ULK4: variants seen among roughly 807,000 people sequenced by gnomAD.
ULK4 encodes unc-51 like kinase 4, also known as inactive serine/threonine-protein kinase ULK4.
A neutral mutation model predicts 160.6 loss-of-function variants in ULK4; 133 were observed. The ratio of observed to expected loss-of-function variants is 0.83; its 90% CI spans 0.72 to 0.96. ULK4 has a LOEUF of 0.96. ULK4 is among the 40% of genes least tolerant of loss of function. The pLI is 0.00. For missense variants in ULK4, 1,580 were observed against 1,499.5 expected, an observed-to-expected ratio of 1.05 and a Z score of -0.89; for synonymous variants, 534 against 539.8, an observed-to-expected ratio of 0.99 and a Z score of 0.15.
intron 27 of ULK4, among the ~76,000 whole-genome samples, chr3:41,697,906 C>T (rs928982365): frequency 6.6e-6 from 1 of 152,216 alleles, no homozygotes; most frequent in Non-Finnish European, 1.5e-5. Context: ...TACTGACTCA[C>T]TCAAAGCAAC....
At chr3:41,631,898 G>A (rs923728508) in intron 30 of ULK4, among the ~76,000 whole-genome samples, 1 of 152,176 alleles carries the variant, frequency 6.6e-6, no homozygotes, top group African/African-American at 2.4e-5. Context: ...ATCATGGTCT[G>A]TAATGCTCCT....
intron 12 of ULK4, among the ~76,000 whole-genome samples, chr3:41,901,949 T>C (rs1245814340): frequency 6.6e-6 from 1 of 152,142 alleles, no homozygotes; most frequent in Non-Finnish European, 1.5e-5. Flanking sequence ...AGTTGATACA[T>C]AATGAAATGA....
At position 41,287,048 on chromosome 3, in the gene ULK4, C is replaced by T. The variant is rs140224638; in HGVS notation, c.3679-37474G>A. ...ACCCACCGATTTGACAGAGAGGTGA[C>T]GCAGAAGGCTGTGAAAGATGCCTGT... is the stretch of plus-strand genomic sequence containing the variant. On this transcript the variant is annotated intron_variant, in intron 35 of 36. Coordinates refer to ENST00000301831, the MANE Select transcript of ULK4 (RefSeq NM_017886.4). Among the ~76,000 whole-genome samples, 253 of 152,246 alleles carry T rather than the reference C, an allele frequency of 1.7e-3. 1 individual carries two copies. The highest frequency in any genetic ancestry group is 2.7e-3 in the Non-Finnish European group (185 of 68,026).
Position 41,249,532 on chromosome 3 carries a change from C to T in ULK4, c.3721G>A (p.Gly1241Ser), listed in dbSNP as rs1487311536. The change falls in exon 36 of 37, where the codon GGC becomes AGC. Residue 1241 changes from glycine (G) to serine (S), a missense_variant. Transcript: ENST00000301831. ...EKHLESLKNAGSLLRALERLA... is the reference protein window; with the variant it reads ...EKHLESLKNASSLLRALERLA... The stretch of plus-strand genomic sequence containing the variant: ...CGCTCCAGAGCCCGCAGGAGGCTGC[C>T]TGCATTCTTGAGGCTCTCCAAGTGC... 2.6e-5 allele frequency: 42 copies of T among 1,613,998 alleles called. No individual in the cohort carries two copies. The highest frequency in any genetic ancestry group is 3.5e-5 in the Non-Finnish European group (41 of 1,180,006).
chr3:41,255,853 A>T (rs749696454), intron 35 of ULK4, among the ~76,000 whole-genome samples: 31 of 152,234 alleles, frequency 2.0e-4, no homozygotes, highest in Non-Finnish European at 4.0e-4. Flanking sequence ...CTATACAACA[A>T]GAGTAACAGA....
At chr3:41,373,079 G>C (rs919338446) in intron 35 of ULK4, among the ~76,000 whole-genome samples, 1 of 152,142 alleles carries the variant, frequency 6.6e-6, no homozygotes, top group South Asian at 2.1e-4. Context: ...AATGCAACAA[G>C]AAGAGCTAAC....
chr3:41,903,264 T>G (rs1698435734), intron 12 of ULK4, among the ~76,000 whole-genome samples: 1 of 152,056 alleles, frequency 6.6e-6, no homozygotes, highest in Admixed American at 6.6e-5. Context: ...AAGCCAAAAT[T>G]AATCAATGGG....
intron 35 of ULK4, among the ~76,000 whole-genome samples, chr3:41,267,967 G>T (rs2079072513): frequency 6.6e-6 from 1 of 152,186 alleles, no homozygotes; most frequent in South Asian, 2.1e-4. Context: ...TTGATTCAGT[G>T]GCTTCATGGC....
At chr3:41,730,905 C>A (rs1230326358) in intron 22 of ULK4, among the ~76,000 whole-genome samples, 2 of 152,004 alleles carry the variant, frequency 1.3e-5, no homozygotes, top group Admixed American at 1.3e-4. Context: ...TGTGATCCAT[C>A]ACATTAAGAA....
rs1163678236 is a variant in ULK4 at position 41,470,572 on chromosome 3, A to C, written c.3227-7319T>G. ...TACAAAGCCATATTCAGGATACCTT[A>C]GAACTCTAATTGCGGCATGTAAAGT... On this transcript the variant is annotated intron_variant, in intron 32 of 36. Coordinates refer to ENST00000301831, the MANE Select transcript of ULK4 (RefSeq NM_017886.4). 2.0e-5 allele frequency among the ~76,000 whole-genome samples: 3 copies of C among 152,198 alleles called. No homozygotes were observed. In the East Asian group the frequency reaches 5.8e-4, roughly 29 times the overall value.
intron 32 of ULK4, among the ~76,000 whole-genome samples, chr3:41,558,947 A>G (rs2087428617): frequency 7.2e-6 from 1 of 139,564 alleles, no homozygotes; most frequent in Non-Finnish European, 1.6e-5. Flanking sequence ...ACATATGTAT[A>G]CATGTGCCAT....
chr3:41,421,862 C>T (rs1167246236), intron 34 of ULK4, among the ~76,000 whole-genome samples: 1 of 152,142 alleles, frequency 6.6e-6, no homozygotes, highest in Non-Finnish European at 1.5e-5. Context: ...TTTGAATGCA[C>T]ACGTAAAACC....
intron 31 of ULK4, among the ~76,000 whole-genome samples, chr3:41,577,198 A>G (rs930862610): frequency 1.3e-5 from 2 of 152,208 alleles, no homozygotes; most frequent in Admixed American, 1.3e-4. Context: ...GTAGAGCAGA[A>G]AAAAAACCGG....
At chr3:41,872,685 AG>A (rs774743772) in intron 17 of ULK4, among the ~76,000 whole-genome samples, 6 of 152,028 alleles carry the variant, frequency 3.9e-5, no homozygotes, top group Non-Finnish European at 7.4e-5. Flanking sequence ...AGCCCAATAC[AG>A]CTCCTCGACA....
chr3:41,362,904 G>A (rs1224326783), intron 35 of ULK4, among the ~76,000 whole-genome samples: 12 of 152,266 alleles, frequency 7.9e-5, no homozygotes. Context: ...GGCACCAAGA[G>A]AGCAGAGCCC....
chr3:41,568,007 A>G (rs1455605701), intron 31 of ULK4, among the ~76,000 whole-genome samples: 1 of 152,182 alleles, frequency 6.6e-6, no homozygotes, highest in Non-Finnish European at 1.5e-5. Context: ...AGACTATTCA[A>G]GTGGCACCAG....
chr3:41,735,716 A>T (rs866262739), intron 22 of ULK4, among the ~76,000 whole-genome samples: 1 of 70,310 alleles, frequency 1.4e-5, no homozygotes, highest in African/African-American at 7.1e-5. Flanking sequence ...TTATTATTAT[A>T]CTTTAAGTTT....
chr3:41,695,491 A>G (rs2036460430), intron 27 of ULK4, among the ~76,000 whole-genome samples: 1 of 152,212 alleles, frequency 6.6e-6, no homozygotes. Flanking sequence ...ACATAAAATG[A>G]GGTAGCATTC....
At chr3:41,738,446 C>T (rs2038129020) in intron 22 of ULK4, among the ~76,000 whole-genome samples, 1 of 151,930 alleles carries the variant, frequency 6.6e-6, no homozygotes, top group Non-Finnish European at 1.5e-5. Flanking sequence ...AACTCTGCTA[C>T]CATTGGCCCT....
Sources: allele counts gnomAD v4.1 joint callset (sites outside exome capture counted in the v4.1 genomes callset), GRCh38; gene constraint gnomAD v4.1.1; transcripts MANE v1.5; gene names NCBI Gene and HGNC (gene_info 2026-07-23, HGNC 2026-07-21).